The following ATP8B4 variants were observed in gnomAD, a reference collection of about 807,000 sequenced individuals.
ATP8B4 encodes the protein ATPase phospholipid transporting 8B4 (putative), also known as probable phospholipid-transporting ATPase IM.
In ATP8B4, 133 loss-of-function variants were observed where a neutral mutation model predicts 145.6. The observed-to-expected ratio is 0.91, with a 90% CI of 0.79 to 1.05. The LOEUF (loss-of-function observed/expected upper bound fraction) is 1.05. ATP8B4 is among the 50% of genes least tolerant of loss of function. The pLI is 0.00. For missense variants in ATP8B4, 1,458 were observed against 1,425.2 expected (o/e 1.02, Z -0.37); for synonymous variants, 507 against 492.9 (o/e 1.03, Z -0.38).
intron 19 of ATP8B4, among the ~76,000 whole-genome samples, chr15:49,917,612 TCTC>T (rs1304376061): frequency 6.6e-6 from 1 of 152,172 alleles, no homozygotes; most frequent in African/African-American, 2.4e-5. Context: ...CCAGCACTGT[TCTC>T]CTAGAGAACT....
In ATP8B4 at chr15:49,986,519, G is replaced by T. The variant is rs568013265; in HGVS notation, c.748+872C>A. On this transcript the variant is annotated intron_variant, in intron 10 of 27. Transcript: ENST00000284509. ...GGCAAGAGCACTGCTAACACCAACA[G>T]CTGACAGTATTTAGAGGAATTGGGA... Among the ~76,000 whole-genome samples, 480 of 152,306 alleles carry T rather than the reference G, an allele frequency of 3.2e-3. 3 individuals are homozygous for T. The highest frequency in any genetic ancestry group is 3.1e-3 in the Non-Finnish European group (214 of 68,034).
intron 2 of ATP8B4, among the ~76,000 whole-genome samples, chr15:50,091,436 C>T (rs57210505): frequency 6.6e-6 from 1 of 151,906 alleles, no homozygotes; most frequent in Non-Finnish European, 1.5e-5. Flanking sequence ...TATAAAACCA[C>T]AATATGGCAA....
intron 6 of ATP8B4, among the ~76,000 whole-genome samples, chr15:50,011,551 T>C (rs1329756376): frequency 2.0e-5 from 3 of 152,112 alleles, no homozygotes; most frequent in South Asian, 2.1e-4. Context: ...CTGCTTTCTG[T>C]GCAGGTCATG....
intron 16 of ATP8B4, among the ~76,000 whole-genome samples, chr15:49,930,737 C>G (rs932754995): frequency 9.2e-5 from 14 of 152,164 alleles, no homozygotes; most frequent in African/African-American, 3.4e-4. Flanking sequence ...CTCAACCTTT[C>G]TGTGTCTTAG....
At chr15:49,983,613 G>C (rs1369806058) in intron 10 of ATP8B4, among the ~76,000 whole-genome samples, 1 of 152,148 alleles carries the variant, frequency 6.6e-6, no homozygotes, top group Non-Finnish European at 1.5e-5. Flanking sequence ...AGGACCTGCT[G>C]TCTATTTACA....
intron 12 of ATP8B4, among the ~76,000 whole-genome samples, chr15:49,978,240 T>C (rs2045843458): frequency 6.6e-6 from 1 of 152,228 alleles, no homozygotes; most frequent in Non-Finnish European, 1.5e-5. Flanking sequence ...CTATAAAAGC[T>C]GACTGTAGCT....
intron 14 of ATP8B4, among the ~76,000 whole-genome samples, chr15:49,939,656 C>T (rs1433448852): frequency 1.3e-5 from 2 of 152,138 alleles, no homozygotes; most frequent in South Asian, 2.1e-4. Context: ...GGATTCACAG[C>T]CAAATTCTAC....
At position 49,933,325 on chromosome 15, in the gene ATP8B4, G is replaced by A. The variant is rs75296477; in HGVS notation, c.1453+692C>T. ...TTGAGAAAGAACCAAAGACCTTGTAGGAAGAATTAGTGGGCTGAGGAAAAC... is the reference window on the plus strand; with the variant it reads ...TTGAGAAAGAACCAAAGACCTTGTAAGAAGAATTAGTGGGCTGAGGAAAAC... On this transcript the variant is annotated intron_variant, in intron 15 of 27. Coordinates refer to ENST00000284509, the MANE Select transcript of ATP8B4 (RefSeq NM_024837.4). 1.5e-3 allele frequency among the ~76,000 whole-genome samples: 224 copies of A among 152,166 alleles called. 1 individual carries two copies. Among genetic ancestry groups the A allele is most frequent in the African/African-American group, 5.2e-3 (216 of 41,552 alleles).
At chr15:50,180,867 A>AG (rs757604017) in intron 1 of ATP8B4, among the ~76,000 whole-genome samples, 7 of 152,124 alleles carry the variant, frequency 4.6e-5, no homozygotes, top group Non-Finnish European at 7.4e-5. Flanking sequence ...AAAAAACGGC[A>AG]GGGGGTGGCC....
At chr15:49,965,632 G>A (rs2044462448) in intron 13 of ATP8B4, among the ~76,000 whole-genome samples, 1 of 152,178 alleles carries the variant, frequency 6.6e-6, no homozygotes, top group Non-Finnish European at 1.5e-5. Context: ...AGCTTATCTG[G>A]CCATTCAAGG....
chr15:50,108,278 T>C (rs2056780481), intron 1 of ATP8B4, among the ~76,000 whole-genome samples: 1 of 152,068 alleles, frequency 6.6e-6, no homozygotes, highest in Non-Finnish European at 1.5e-5. Context: ...TTGCTCTCCC[T>C]CTATGTTCCT....
intron 2 of ATP8B4, among the ~76,000 whole-genome samples, chr15:50,101,885 C>T (rs761275606): frequency 6.6e-6 from 1 of 152,080 alleles, no homozygotes; most frequent in Non-Finnish European, 1.5e-5. Context: ...GAAATTATAG[C>T]AAGTACTCTC....
At chr15:50,041,866 G>A (rs1301377266) in intron 5 of ATP8B4, among the ~76,000 whole-genome samples, 1 of 151,610 alleles carries the variant, frequency 6.6e-6, no homozygotes, top group African/African-American at 2.4e-5. Context: ...CTTGAACCCG[G>A]GAGGCGGAGG....
chr15:49,917,147 G>A (rs1441118020), intron 19 of ATP8B4, 108 bp from the exon 20 acceptor site: 3 of 1,012,774 alleles, frequency 3.0e-6, no homozygotes, highest in Non-Finnish European at 4.5e-6. Flanking sequence ...GCCTACAGGG[G>A]GCTGATGTCA....
At chr15:50,092,154 T>C (rs2055651799) in intron 2 of ATP8B4, among the ~76,000 whole-genome samples, 1 of 152,144 alleles carries the variant, frequency 6.6e-6, no homozygotes, top group African/African-American at 2.4e-5. Context: ...TAAAGGATTA[T>C]ATTTGATGAG....
chr15:49,998,210 C>G (rs1381958857), intron 8 of ATP8B4, among the ~76,000 whole-genome samples: 2 of 152,154 alleles, frequency 1.3e-5, no homozygotes, highest in Non-Finnish European at 2.9e-5. Context: ...CACACACAGG[C>G]CTTCTTGATA....
chr15:49,863,972 C>A (rs1326904329), intron 26 of ATP8B4, among the ~76,000 whole-genome samples: 1 of 152,160 alleles, frequency 6.6e-6, no homozygotes, highest in African/African-American at 2.4e-5. Context: ...TCTCATTATG[C>A]ATCACAGTGC....
chr15:50,041,766 C>A (rs764613313), intron 5 of ATP8B4, among the ~76,000 whole-genome samples: 7 of 152,114 alleles, frequency 4.6e-5, no homozygotes, highest in Non-Finnish European at 7.4e-5. Flanking sequence ...TGGTGAAACC[C>A]CATCTCTACT....
At position 50,106,999 on chromosome 15, in the gene ATP8B4, G is replaced by T. The variant is rs1293938492; in HGVS notation, c.-33C>A. ...CCTGATCTTTCACCAGGTCTCAACA[G>T]GTGGCCTACCTAAGAAAAAGAAGTA... On this transcript the variant is annotated 5_prime_UTR_variant, in exon 2 of 28. In the 5' UTR this introduces an upstream ATG that the reference lacks. Transcript: ENST00000284509. The T allele has an allele frequency of 3.2e-6, 5 of 1,546,208 alleles. No homozygotes were observed. The highest frequency in any genetic ancestry group is 4.3e-6 in the Non-Finnish European group (5 of 1,152,238).
Sources: gnomAD v4.1 joint callset for allele counts (sites outside exome capture counted in the v4.1 genomes callset) on GRCh38, gnomAD v4.1.1 for gene constraint, MANE v1.5 for transcripts, NCBI Gene and HGNC (gene_info 2026-07-23, HGNC 2026-07-21) for gene names.